KCP: variants seen among roughly 807,000 people sequenced by gnomAD.
KCP encodes the protein kielin/chordin-like protein.
A neutral mutation model predicts 212.7 loss-of-function variants in KCP; 194 were observed. That is an observed-to-expected ratio of 0.91 (90% CI 0.81 to 1.03). KCP has a LOEUF of 1.03. Ranked by LOEUF, KCP falls within the 50% of genes least tolerant of loss-of-function variation. The pLI, the probability that KCP is intolerant of heterozygous loss-of-function variation, is 0.00. For synonymous variants in KCP, 833 were observed against 865.3 expected, an observed-to-expected ratio of 0.96 and a Z score of 0.65; for missense variants, 2,080 against 2,162.5, an observed-to-expected ratio of 0.96 and a Z score of 0.76.
chr7:128,908,287 A>AAAGG (rs1795257018), intron 2 of KCP, 139 bp downstream of exon 2: 3 of 595,472 alleles, frequency 5.0e-6, no homozygotes. Flanking sequence ...AGAAAGAAAG[A>AAAGG]AAGAAAGAAA....
At chr7:128,901,550 T>C (rs1585247047) in intron 8 of KCP, among the ~76,000 whole-genome samples, 2 of 151,740 alleles carry the variant, frequency 1.3e-5, no homozygotes, top group East Asian at 3.9e-4. Context: ...GGCGTGAACC[T>C]GGAAGGCGGA....
Position 128,886,712 on chromosome 7 carries a change from G to A in KCP, c.2715C>T (p.His905=). 6.4e-7 allele frequency: 1 copy of A among 1,551,600 alleles called. No individual in the cohort carries two copies. Residue 905 remains histidine, a synonymous_variant, in exon 25 of 40, where the codon CAC becomes CAT. Coordinates refer to ENST00000610776, the MANE Select transcript of KCP (RefSeq NM_001366122.1). ...GTCCCTCAAACTCCTCCCCATCCTG[G>A]TGCTCCCGGCCCTGAGAGAGACAGC... ...CHSCLSQGRE[H]QDGEEFEGPA...
rs959567758 is a variant in KCP at position 128,904,233 on chromosome 7, C to T, written c.572-95G>A. Reference sequence around the variant, plus strand: ...GCATGACCCCAAGTAGGTACTGGACCCTTGGGGTTGAAGGGATGGCGGGGC... The same window carrying T: ...GCATGACCCCAAGTAGGTACTGGACTCTTGGGGTTGAAGGGATGGCGGGGC... On this transcript the variant is annotated intron_variant, in intron 5 of 39. Transcript: ENST00000610776. 6 of 1,523,796 alleles carry T rather than the reference C, an allele frequency of 3.9e-6. No homozygotes were observed. In the East Asian group the frequency reaches 9.8e-5, roughly 25 times the overall value. The allele number at this position is 1,523,796 out of a possible 1,614,324, so 94.4% of individuals were successfully genotyped here.
At chr7:128,878,791 T>C (rs1358933540) in intron 37 of KCP, 69 bp from the exon 38 acceptor site, 27 of 1,457,160 alleles carry the variant, frequency 1.9e-5, no homozygotes, top group Middle Eastern at 1.8e-4. Flanking sequence ...GGGTCCATCA[T>C]GGCCCCAGGC....
Position 128,879,514 on chromosome 7 carries a change from A to T in KCP, c.4146+8T>A. The T allele has an allele frequency of 6.5e-7, 1 of 1,547,522 alleles. No homozygotes were observed. The highest frequency in any genetic ancestry group is 8.7e-7 in the Non-Finnish European group (1 of 1,145,558). On this transcript the variant is annotated splice_region_variant and intron_variant, in intron 37 of 39. Coordinates refer to ENST00000610776, the MANE Select transcript of KCP (RefSeq NM_001366122.1). ...GGCAGCCCACCCAGACTCGCCCTGG[A>T]GCCGCACCTGGAGCCCGGGCTGGGC...
intron 31 of KCP, among the ~76,000 whole-genome samples, chr7:128,881,378 G>A (rs538119787): frequency 0.052 from 7,932 of 152,288 alleles, 727 homozygotes; most frequent in African/African-American, 0.18. Context: ...TGGGGATCCT[G>A]AGCCCCCTGA....
At chr7:128,886,212 T>C (rs1223308917) in intron 26 of KCP, among the ~76,000 whole-genome samples, 1 of 152,090 alleles carries the variant, frequency 6.6e-6, no homozygotes, top group Non-Finnish European at 1.5e-5. Flanking sequence ...GGATTGCAAA[T>C]GTGAGCCGCT....
chr7:128,897,733 C>A (rs920586201), intron 8 of KCP, among the ~76,000 whole-genome samples: 1 of 152,080 alleles, frequency 6.6e-6, no homozygotes, highest in Admixed American at 6.6e-5. Flanking sequence ...GAAAATTATC[C>A]AATTTATTTT....
At chr7:128,907,741 C>T (rs1194332379) in intron 2 of KCP, among the ~76,000 whole-genome samples, 2 of 152,160 alleles carry the variant, frequency 1.3e-5, no homozygotes, top group African/African-American at 4.8e-5. Context: ...GAATGCATTC[C>T]ATAACATTCC....
intron 8 of KCP, among the ~76,000 whole-genome samples, chr7:128,895,805 A>G (rs1189485852): frequency 6.6e-6 from 1 of 152,174 alleles, no homozygotes; most frequent in African/African-American, 2.4e-5. Flanking sequence ...TCAGGAAGTT[A>G]CCCTATGTGG....
chr7:128,890,431 C>T lies in KCP; in HGVS notation c.2247G>A (p.Trp749Ter). ...PTAACHLCLC[W>*]EGSVSCEPKA... is the part of the protein sequence containing the mutation. The stretch of plus-strand genomic sequence containing the variant: ...TGGGCTCGCAGCTCACGCTGCCCTC[C>T]CAGCAAAGGCAGAGGTGGCAGGCAG... Residue 749 changes from tryptophan (W) to a stop codon, truncating the protein, a stop_gained, in exon 21 of 40, where the codon TGG becomes TGA. Transcript: ENST00000610776. LOFTEE classifies it high-confidence loss of function. The T allele has an allele frequency of 6.4e-7, 1 of 1,551,180 alleles. No individual in the cohort carries two copies. Among genetic ancestry groups the T allele is most frequent in the South Asian group, 1.2e-5 (1 of 84,054 alleles).
At chr7:128,902,925 G>T in intron 7 of KCP, 66 bp from the exon 8 acceptor site, 1 of 1,247,060 alleles carries the variant, frequency 8.0e-7, no homozygotes, top group Non-Finnish European at 1.1e-6. Context: ...GCCTCAGCCT[G>T]CCCGCCTTCC....
In KCP at chr7:128,885,204, G is replaced by C. The variant is rs1002587665; in HGVS notation, c.2933C>G (p.Ser978Cys). 38 of 1,550,768 alleles carry C rather than the reference G, an allele frequency of 2.5e-5. No individual in the cohort carries two copies. The African/African-American group carries it at 5.1e-4, about 21-fold the overall frequency. Reference protein sequence around the residue: ...SRWVPPDSACSSCVCHEGVVT... With the variant: ...SRWVPPDSACCSCVCHEGVVT... Reference sequence around the variant, plus strand: ...GACGCCCTCGTGACACACACAGGAGGAGCAGGCACTGTCGGGGGGCACCCA... The same window carrying C: ...GACGCCCTCGTGACACACACAGGAGCAGCAGGCACTGTCGGGGGGCACCCA... The change falls in exon 27 of 40, where the codon TCC (serine) becomes TGC (cysteine). Residue 978 changes from serine (S) to cysteine (C), a missense_variant. Ser to Cys is a moderately radical substitution (Grantham distance 112). Coordinates refer to ENST00000610776, the MANE Select transcript of KCP (RefSeq NM_001366122.1).
intron 7 of KCP, chr7:128,903,108 C>A (rs1794947605): frequency 7.2e-6 from 4 of 551,942 alleles, no homozygotes; most frequent in Admixed American, 3.3e-5. Flanking sequence ...TGTGCCCCAC[C>A]TATCTCTGGC....
chr7:128,909,515 A>G (rs7792282), intron 1 of KCP, among the ~76,000 whole-genome samples: 51,786 of 152,044 alleles, frequency 0.34, 13,129 homozygotes, highest in African/African-American at 0.7. Context: ...GCCATCACAC[A>G]TACCCAGTTA....
rs763988274 is a variant in KCP, at chr7:128,885,079, G to T, written c.3040+18C>A. ...GCTCCCTCCTCGCCTTTCCCCTCCCGCCCCAGGCTTCCAGTACCAGAGCAT... is the reference window on the plus strand; with the variant it reads ...GCTCCCTCCTCGCCTTTCCCCTCCCTCCCCAGGCTTCCAGTACCAGAGCAT... On this transcript the variant is annotated intron_variant, in intron 27 of 39. Transcript: ENST00000610776. The T allele has an allele frequency of 5.8e-6, 9 of 1,550,402 alleles. No individual in the cohort carries two copies. The highest frequency in any genetic ancestry group is 7.8e-6 in the Non-Finnish European group (9 of 1,146,960).
rs963358356 is a variant in KCP, at chr7:128,889,439, A to G, written c.2336-400T>C. 5.3e-5 allele frequency among the ~76,000 whole-genome samples: 8 copies of G among 152,156 alleles called. 1 individual carries two copies. Among genetic ancestry groups the G allele is most frequent in the Non-Finnish European group, 1.2e-4 (8 of 68,032 alleles). On this transcript the variant is annotated intron_variant, in intron 21 of 39. Coordinates refer to ENST00000610776, the MANE Select transcript of KCP (RefSeq NM_001366122.1). ...GCCTTTCCCACGCTCTTCCGAGCCC[A>G]CTGATGAATCCAGGAAGGGGTGGGG... is the stretch of plus-strand genomic sequence containing the variant.
intron 28 of KCP, 41 bp from the exon 29 acceptor site, chr7:128,884,163 A>C: frequency 6.6e-7 from 1 of 1,511,190 alleles, no homozygotes; most frequent in Non-Finnish European, 8.8e-7. Context: ...TGGGCCACAA[A>C]AACCCAGAGC....
At position 128,891,563 on chromosome 7, in the gene KCP, G is replaced by A. The variant is rs1477932611; in HGVS notation, c.1796-30C>T. On this transcript the variant is annotated intron_variant, in intron 17 of 39. Coordinates refer to ENST00000610776, the MANE Select transcript of KCP (RefSeq NM_001366122.1). ...GGGAGGGAGGGGCTATAGCCTGGGA[G>A]AGGGCGACTGCCCCAGGGCGTGCTG... 7 of 1,540,636 alleles carry A rather than the reference G, an allele frequency of 4.5e-6. No homozygotes were observed. The East Asian group carries it at 1.2e-4, about 27-fold the overall frequency.
Sources: gnomAD v4.1 joint callset for allele counts (sites outside exome capture counted in the v4.1 genomes callset) on GRCh38, gnomAD v4.1.1 for gene constraint, MANE v1.5 for transcripts, NCBI Gene and HGNC (gene_info 2026-07-23, HGNC 2026-07-21) for gene names.